Variants in CLN3 observed in about 807,000 individuals in gnomAD.
CLN3 encodes battenin.
A neutral mutation model predicts 60.7 loss-of-function variants in CLN3; 49 were observed. The ratio of observed to expected loss-of-function variants is 0.81; its 90% CI spans 0.64 to 1.02. The LOEUF (loss-of-function observed/expected upper bound fraction) is 1.02. CLN3 is among the 50% of genes least tolerant of loss of function. The pLI is 0.00. For synonymous variants in CLN3, 256 were observed against 245.8 expected (o/e 1.04, Z -0.39); for missense variants, 516 against 557.4 (o/e 0.93, Z 0.75).
downstream of CLN3, among the ~76,000 whole-genome samples, chr16:28,470,719 G>C (rs1402354434): frequency 6.7e-6 from 1 of 150,244 alleles, no homozygotes; most frequent in East Asian, 2.0e-4. Flanking sequence ...AGGTGGAGGA[G>C]GAGAAGAAGA....
intron 14 of CLN3, 56 bp downstream of exon 14, chr16:28,482,049 T>G (rs2046105692): frequency 7.2e-7 from 1 of 1,389,556 alleles, no homozygotes; most frequent in African/African-American, 1.4e-5. Context: ...TTGGGGAAGC[T>G]GGGAGCCAAG....
At chr16:28,485,208 G>A (rs1254450890) in intron 9 of CLN3, among the ~76,000 whole-genome samples, 2 of 150,608 alleles carry the variant, frequency 1.3e-5, no homozygotes, top group Non-Finnish European at 2.9e-5. Flanking sequence ...CTCCCAAAGT[G>A]CTGGGATTAC....
downstream of CLN3, chr16:28,470,510 A>T (rs1277504729): frequency 7.0e-6 from 8 of 1,135,938 alleles, no homozygotes; most frequent in Non-Finnish European, 9.5e-6. Context: ...GGGGGGAGGG[A>T]AGGGGACGGG....
intron 13 of CLN3, 28 bp downstream of exon 13, chr16:28,482,299 C>G: frequency 6.2e-7 from 1 of 1,611,900 alleles, no homozygotes; most frequent in Non-Finnish European, 8.5e-7. Flanking sequence ...ACGGCGCCCT[C>G]CCAGCCCACT....
intron 14 of CLN3, among the ~76,000 whole-genome samples, chr16:28,478,834 C>T (rs930800386): frequency 6.6e-6 from 1 of 152,090 alleles, no homozygotes; most frequent in Non-Finnish European, 1.5e-5. Flanking sequence ...CCAAAGCATG[C>T]CTGCAGACGT....
At chr16:28,474,126 G>C (rs573894418), downstream of CLN3, 1 of 152,376 alleles carries the variant, frequency 6.6e-6, no homozygotes, top group South Asian at 2.1e-4. Flanking sequence ...AAATTAGCCA[G>C]GTGTGGTGGT....
At chr16:28,483,556 G>T (rs183523759) in intron 10 of CLN3, among the ~76,000 whole-genome samples, 75 of 151,044 alleles carry the variant, frequency 5.0e-4, no homozygotes, top group Non-Finnish European at 9.0e-4. Flanking sequence ...ATGGCCATTG[G>T]CCCACCCTGC....
intron 10 of CLN3, among the ~76,000 whole-genome samples, chr16:28,482,997 G>A (rs1284518843): frequency 2.0e-5 from 3 of 151,786 alleles, no homozygotes; most frequent in Non-Finnish European, 1.5e-5. Flanking sequence ...CCAGCTACTC[G>A]GGTGGCTGAG....
At chr16:28,482,878 C>T (rs547387129) in intron 10 of CLN3, among the ~76,000 whole-genome samples, 3 of 152,066 alleles carry the variant, frequency 2.0e-5, no homozygotes, top group South Asian at 4.2e-4. Context: ...CTGAGGTGGG[C>T]GGATCACCTG....
At position 28,477,357 on chromosome 16, in the gene CLN3, C is replaced by T; in HGVS notation, c.*159G>A. ...CCCAAGTGGGAGACAATGGCTGGCC[C>T]CCCTGCAAGGGAAACAAGGCTTCAG... On this transcript the variant is annotated 3_prime_UTR_variant, in exon 16 of 16. Transcript: ENST00000636147. 1.1e-6 allele frequency: 1 copy of T among 925,288 alleles called. No individual in the cohort carries two copies. The highest frequency in any genetic ancestry group is 1.7e-6 in the Non-Finnish European group (1 of 594,596). 57.3% of individuals were successfully genotyped at this position (925,288 alleles called of 1,614,324 possible).
chr16:28,487,754 A>T lies in CLN3; in HGVS notation c.295-13T>A, dbSNP rs796052333. Reference sequence around the variant, plus strand: ...CCAGGAGCACAGCCTGGGACAGGAGAATAGAGTGAGACCGCAGAGCTTCCA... The same window carrying T: ...CCAGGAGCACAGCCTGGGACAGGAGTATAGAGTGAGACCGCAGAGCTTCCA... On this transcript the variant is annotated splice_polypyrimidine_tract_variant and intron_variant, in intron 5 of 15. Transcript: ENST00000636147. The T allele has an allele frequency of 6.2e-7, 1 of 1,609,084 alleles. No homozygotes were observed.
downstream of CLN3, among the ~76,000 whole-genome samples, chr16:28,471,806 C>G (rs2045952184): frequency 1.3e-5 from 2 of 150,098 alleles, no homozygotes; most frequent in Admixed American, 1.3e-4. Context: ...TGTGTGTGGA[C>G]TTTAAATTCT....
chr16:28,490,074 A>T (rs1278274632), intron 3 of CLN3, among the ~76,000 whole-genome samples: 2 of 150,586 alleles, frequency 1.3e-5, no homozygotes, highest in Non-Finnish European at 3.0e-5. Context: ...AAAAAAAAAA[A>T]AGGAGAGTGG....
At chr16:28,471,911 TC>T (rs542615587), downstream of CLN3, among the ~76,000 whole-genome samples, 164 of 152,304 alleles carry the variant, frequency 1.1e-3, no homozygotes, top group African/African-American at 3.6e-3. Flanking sequence ...CTGCCTGTAG[TC>T]CCAGATACTT....
chr16:28,477,393 C>T lies in CLN3; in HGVS notation c.*123G>A. 2 of 1,369,780 alleles carry T rather than the reference C, an allele frequency of 1.5e-6. No individual in the cohort carries two copies. Among genetic ancestry groups the T allele is most frequent in the South Asian group, 2.4e-5 (2 of 84,106 alleles). 84.9% of individuals were successfully genotyped at this position (1,369,780 alleles called of 1,614,324 possible). On this transcript the variant is annotated 3_prime_UTR_variant, in exon 16 of 16. Transcript: ENST00000636147. ...GAAACAAGGCTTCAGCCCTTCCCTA[C>T]TCCCAGACCTGCCGGGAAGGCTGGG...
chr16:28,491,595 ACT>A, intron 2 of CLN3, 35 bp from the exon 3 acceptor site: 1 of 1,612,844 alleles, frequency 6.2e-7, no homozygotes, highest in Non-Finnish European at 8.5e-7. Context: ...ACCCCCACCT[ACT>A]CTCAGGTGCA....
At chr16:28,481,257 G>A (rs1489435903) in intron 14 of CLN3, among the ~76,000 whole-genome samples, 2 of 151,986 alleles carry the variant, frequency 1.3e-5, no homozygotes, top group African/African-American at 4.8e-5. Flanking sequence ...CTACAGGTGT[G>A]CGCCACTGCA....
downstream of CLN3, chr16:28,477,030 G>A (rs936844325): frequency 3.9e-5 from 8 of 207,022 alleles, no homozygotes; most frequent in Admixed American, 3.7e-4. Context: ...CCAGCTACTC[G>A]GGAGGCTGAG....
chr16:28,483,877 T>C (rs1444685056), intron 10 of CLN3, 129 bp downstream of exon 10: 9 of 707,882 alleles, frequency 1.3e-5, no homozygotes, highest in Non-Finnish European at 2.0e-5. Flanking sequence ...ATTTCTCAAA[T>C]AGACAAAGGC....
Sources: allele counts gnomAD v4.1 joint callset (sites outside exome capture counted in the v4.1 genomes callset), GRCh38; gene constraint gnomAD v4.1.1; transcripts MANE v1.5; gene names NCBI Gene and HGNC (gene_info 2026-07-23, HGNC 2026-07-21).